TENM3: variants seen among roughly 807,000 people sequenced by gnomAD.
TENM3 encodes the protein teneurin transmembrane protein 3, also known as teneurin-3.
Under a neutral mutation model 255.1 loss-of-function variants are expected in TENM3, and 63 were observed. That is an observed-to-expected ratio of 0.25 (90% CI 0.20 to 0.30). TENM3 has a LOEUF of 0.30. TENM3 is among the 10% of genes least tolerant of loss of function. The pLI is 1.00. For synonymous variants in TENM3, 1,306 were observed against 1,322.3 expected, an observed-to-expected ratio of 0.99 and a Z score of 0.27; for missense variants, 2,929 against 3,461.1, an observed-to-expected ratio of 0.85 and a Z score of 3.86.
the TENM3 span, among the ~76,000 whole-genome samples, chr4:181,951,730 T>C: frequency 6.6e-6 from 1 of 152,246 alleles, no homozygotes. Flanking sequence ...AGTACATTTT[T>C]CTCATCAAAC....
chr4:182,229,498 A>T (rs543585854), intron 1 of TENM3, among the ~76,000 whole-genome samples: 1 of 152,280 alleles, frequency 6.6e-6, no homozygotes, highest in East Asian at 1.9e-4. Context: ...GTAAAAATGC[A>T]TCTCACTTGC....
the TENM3 span, among the ~76,000 whole-genome samples, chr4:181,605,159 C>T: frequency 4.6e-5 from 7 of 152,056 alleles, 1 homozygote; most frequent in East Asian, 9.8e-4. Flanking sequence ...AGAAAACAAG[C>T]AAACCAGCCG....
chr4:182,305,857 C>G lies in TENM3; in HGVS notation c.-75-18089C>G, dbSNP rs73007711. Among the ~76,000 whole-genome samples, 153 of 152,288 alleles carry G rather than the reference C, an allele frequency of 1.0e-3. 2 individuals carry two copies. Among genetic ancestry groups the G allele is most frequent in the African/African-American group, 3.5e-3 (144 of 41,540 alleles). On this transcript the variant is annotated intron_variant, in intron 1 of 27. Coordinates refer to ENST00000511685, the MANE Select transcript of TENM3 (RefSeq NM_001080477.4). ...GGGCTTGGGAGGAAGTCGTTGCTAT[C>G]CTGGATGTTCTTACGTTCTTTAGTA...
the TENM3 span, among the ~76,000 whole-genome samples, chr4:181,925,291 A>C: frequency 3.3e-5 from 5 of 152,224 alleles, no homozygotes; most frequent in Non-Finnish European, 7.4e-5. Flanking sequence ...GAAGCTATAA[A>C]TGCAATCTCC....
intron 18 of TENM3, among the ~76,000 whole-genome samples, chr4:182,741,629 G>A (rs1039266160): frequency 5.3e-5 from 8 of 152,136 alleles, no homozygotes; most frequent in East Asian, 1.9e-4. Flanking sequence ...ATCAACTAAC[G>A]TAATCACAGA....
At chr4:182,367,089 A>G (rs909457524) in intron 3 of TENM3, among the ~76,000 whole-genome samples, 2 of 152,116 alleles carry the variant, frequency 1.3e-5, no homozygotes, top group African/African-American at 4.8e-5. Flanking sequence ...GCACTTTGAA[A>G]AGAGAAAAGC....
At chr4:181,925,951 T>G in the TENM3 span, among the ~76,000 whole-genome samples, 11 of 152,334 alleles carry the variant, frequency 7.2e-5, 1 homozygote, top group South Asian at 2.3e-3. Context: ...GTAAAATCAC[T>G]ATTTTGAATT....
Position 182,673,007 on chromosome 4 carries a change from A to G in TENM3, c.1114A>G (p.Lys372Glu), listed in dbSNP as rs1755347721. Reference sequence around the variant, plus strand: ...ATCAGTGCATCTCTTACATTCAGGAAAATTAGGTGGATTTACGCAAGAAAA... The same window carrying G: ...ATCAGTGCATCTCTTACATTCAGGAGAATTAGGTGGATTTACGCAAGAAAA... ...TVSLPSGDNG[K>E]LGGFTQENNT... Residue 372 changes from lysine to glutamate, a missense_variant and splice_region_variant, in exon 7 of 28, where the codon AAA becomes GAA. By Grantham distance (56) the Lys-to-Glu change is moderately conservative. Coordinates refer to ENST00000511685, the MANE Select transcript of TENM3 (RefSeq NM_001080477.4). 1.3e-6 allele frequency: 2 copies of G among 1,572,662 alleles called. No individual in the cohort carries two copies. The highest frequency in any genetic ancestry group is 1.3e-5 in the African/African-American group (1 of 74,394).
At chr4:182,317,137 C>T (rs1762795634) in intron 1 of TENM3, among the ~76,000 whole-genome samples, 1 of 152,162 alleles carries the variant, frequency 6.6e-6, no homozygotes, top group Admixed American at 6.5e-5. Context: ...GTCAAAAGTT[C>T]TCTTTGTTTA....
At chr4:181,939,183 C>A in the TENM3 span, among the ~76,000 whole-genome samples, 480 of 152,160 alleles carry the variant, frequency 3.2e-3, 2 homozygotes, top group African/African-American at 9.8e-3. Flanking sequence ...AAATCCTCTC[C>A]TTATTATTAT....
chr4:181,781,364 G>A, the TENM3 span, among the ~76,000 whole-genome samples: 6 of 152,060 alleles, frequency 3.9e-5, no homozygotes, highest in Non-Finnish European at 8.8e-5. Context: ...ATTCCTAGGT[G>A]TTTTATTCTC....
At chr4:181,965,930 A>G in the TENM3 span, among the ~76,000 whole-genome samples, 1 of 152,232 alleles carries the variant, frequency 6.6e-6, no homozygotes, top group Non-Finnish European at 1.5e-5. Context: ...TCTATCCATT[A>G]GAAAGGTCCC....
chr4:181,888,621 A>AG, the TENM3 span, among the ~76,000 whole-genome samples: 58 of 122,114 alleles, frequency 4.7e-4, 1 homozygote, highest in East Asian at 0.012. Context: ...TGTGTGTGGA[A>AG]AGAGAGAGAG....
chr4:182,581,069 G>C (rs928924963), intron 3 of TENM3, among the ~76,000 whole-genome samples: 2 of 152,064 alleles, frequency 1.3e-5, no homozygotes, highest in Non-Finnish European at 2.9e-5. Flanking sequence ...AATGTAAATT[G>C]TACTTTTAAT....
the TENM3 span, among the ~76,000 whole-genome samples, chr4:181,692,898 T>C: frequency 6.6e-6 from 1 of 152,124 alleles, no homozygotes. Context: ...GATGCTGCCT[T>C]TGCCACAGAA....
At chr4:182,307,182 G>A (rs1437412100) in intron 1 of TENM3, among the ~76,000 whole-genome samples, 2 of 152,216 alleles carry the variant, frequency 1.3e-5, no homozygotes, top group African/African-American at 4.8e-5. Context: ...GGAGGAAAGT[G>A]GGGCAGATGA....
the TENM3 span, among the ~76,000 whole-genome samples, chr4:181,719,239 TA>T: frequency 6.6e-6 from 1 of 150,750 alleles, no homozygotes; most frequent in Admixed American, 6.6e-5. Context: ...AATAAATAAA[TA>T]AAATAAAAAT....
intron 3 of TENM3, among the ~76,000 whole-genome samples, chr4:182,518,343 A>G (rs1009982551): frequency 6.6e-6 from 1 of 151,976 alleles, no homozygotes. Flanking sequence ...ATGGAATATC[A>G]CTCCAGTGAG....
At chr4:181,472,919 C>G in the TENM3 span, among the ~76,000 whole-genome samples, 5 of 152,114 alleles carry the variant, frequency 3.3e-5, no homozygotes, top group African/African-American at 1.2e-4. Flanking sequence ...GGAATTCATA[C>G]ATTTTAGAAG....
Sources: gnomAD v4.1 joint callset for allele counts (sites outside exome capture counted in the v4.1 genomes callset) on GRCh38, gnomAD v4.1.1 for gene constraint, MANE v1.5 for transcripts, NCBI Gene and HGNC (gene_info 2026-07-23, HGNC 2026-07-21) for gene names.